The following CNTN3 variants were observed in gnomAD, a reference collection of about 807,000 sequenced individuals.
The protein encoded by CNTN3 is contactin 3.
In CNTN3, 60 loss-of-function variants were observed where a neutral mutation model predicts 119.1. That is an observed-to-expected ratio of 0.50 (90% CI 0.41 to 0.62). CNTN3 has a LOEUF of 0.62. Among genes scored for constraint, CNTN3 ranks in the 20% least tolerant of loss-of-function variants. The probability of loss-of-function intolerance (pLI) is 0.00; values close to 1 mark genes in which losing one functional copy is unlikely to be tolerated. For missense variants in CNTN3, 1,101 were observed against 1,242.4 expected (o/e 0.89, Z 1.71); for synonymous variants, 450 against 438.7 (o/e 1.03, Z -0.32).
intron 1 of CNTN3, among the ~76,000 whole-genome samples, chr3:74,542,625 A>G (rs1703857671): frequency 6.6e-6 from 1 of 152,234 alleles, no homozygotes; most frequent in Non-Finnish European, 1.5e-5. Context: ...AATATGATGA[A>G]TGACAAACAA....
At chr3:74,278,655 C>A (rs1471075121) in intron 20 of CNTN3, among the ~76,000 whole-genome samples, 2 of 152,152 alleles carry the variant, frequency 1.3e-5, no homozygotes, top group Admixed American at 6.5e-5. Context: ...TACAAAAATT[C>A]TAGAAGATAA....
rs548321587 is a variant in CNTN3 at position 74,558,565 on chromosome 3, T to C, written c.-80-37373A>G. On this transcript the variant is annotated intron_variant, in intron 1 of 22. Coordinates refer to ENST00000263665, the MANE Select transcript of CNTN3 (RefSeq NM_020872.3). Reference sequence around the variant, plus strand: ...CAGAACAGCATAGAGATGGTCTGCATAGTCTTTGGTGTATTAAACCTGAAT... The same window carrying C: ...CAGAACAGCATAGAGATGGTCTGCACAGTCTTTGGTGTATTAAACCTGAAT... Among the ~76,000 whole-genome samples, 7 of 152,330 alleles carry C rather than the reference T, an allele frequency of 4.6e-5. No individual in the cohort carries two copies. In the East Asian group the frequency reaches 1.4e-3, roughly 29 times the overall value.
chr3:74,393,413 T>C (rs1404199474), intron 5 of CNTN3, among the ~76,000 whole-genome samples: 2 of 152,236 alleles, frequency 1.3e-5, no homozygotes, highest in Admixed American at 6.5e-5. Context: ...TTCACACAAT[T>C]CTAAAACTTT....
chr3:74,461,826 T>C (rs557644775), intron 4 of CNTN3, among the ~76,000 whole-genome samples: 42 of 152,070 alleles, frequency 2.8e-4, no homozygotes, highest in Non-Finnish European at 4.7e-4. Context: ...TAATGAATAT[T>C]TTCTTGTCAA....
chr3:74,612,251 A>G (rs1705095250), intron 1 of CNTN3, among the ~76,000 whole-genome samples: 2 of 152,196 alleles, frequency 1.3e-5, no homozygotes, highest in Admixed American at 1.3e-4. Context: ...TTAGTTTGTA[A>G]TAACTGGGCA....
chr3:74,463,120 C>T (rs963010318), intron 4 of CNTN3, among the ~76,000 whole-genome samples: 1 of 152,094 alleles, frequency 6.6e-6, no homozygotes, highest in African/African-American at 2.4e-5. Context: ...AAACTGAGCT[C>T]AGTAATCTAA....
chr3:74,548,670 T>C (rs1703947540), intron 1 of CNTN3, among the ~76,000 whole-genome samples: 2 of 150,928 alleles, frequency 1.3e-5, no homozygotes, highest in Admixed American at 6.7e-5. Context: ...AATGAAACCA[T>C]TATTTTTTTC....
chr3:74,574,633 G>GT (rs1396963937), intron 1 of CNTN3, among the ~76,000 whole-genome samples: 2 of 152,118 alleles, frequency 1.3e-5, no homozygotes, highest in Non-Finnish European at 2.9e-5. Flanking sequence ...CTTGTAAACT[G>GT]TTTTTCCCAG....
chr3:74,588,648 G>C (rs1035155431), intron 1 of CNTN3, among the ~76,000 whole-genome samples: 67 of 152,158 alleles, frequency 4.4e-4, no homozygotes, highest in African/African-American at 1.6e-3. Flanking sequence ...GCATCACCAA[G>C]TCATTCCTAA....
chr3:74,552,073 TC>T (rs1479239096), intron 1 of CNTN3, among the ~76,000 whole-genome samples: 1 of 152,150 alleles, frequency 6.6e-6, no homozygotes, highest in African/African-American at 2.4e-5. Flanking sequence ...CGGATCTGCT[TC>T]TTTCACTTAG....
chr3:74,593,064 T>C (rs1704732406), intron 1 of CNTN3, among the ~76,000 whole-genome samples: 1 of 151,958 alleles, frequency 6.6e-6, no homozygotes, highest in South Asian at 2.1e-4. Context: ...TGCTGAGTTT[T>C]TGTTTTGTTT....
chr3:74,519,171 TAC>T (rs1703501355), intron 2 of CNTN3, among the ~76,000 whole-genome samples: 1 of 151,648 alleles, frequency 6.6e-6, no homozygotes, highest in Admixed American at 6.6e-5. Context: ...CATGTATAAT[TAC>T]ACACACATGG....
At chr3:74,545,157 A>T (rs191345984) in intron 1 of CNTN3, among the ~76,000 whole-genome samples, 212 of 152,310 alleles carry the variant, frequency 1.4e-3, no homozygotes, top group African/African-American at 4.8e-3. Context: ...TAATAAAACA[A>T]AAATAATAAA....
intron 20 of CNTN3, among the ~76,000 whole-genome samples, chr3:74,278,091 A>G (rs1043181041): frequency 2.6e-5 from 4 of 152,128 alleles, no homozygotes; most frequent in Non-Finnish European, 5.9e-5. Context: ...GAAAACTACA[A>G]AACACTGCTG....
At chr3:74,606,390 T>A (rs1174382352) in intron 1 of CNTN3, among the ~76,000 whole-genome samples, 1 of 151,972 alleles carries the variant, frequency 6.6e-6, no homozygotes, top group African/African-American at 2.4e-5. Context: ...GGATTAACTC[T>A]ATCCCCTATC....
At chr3:74,538,570 T>C (rs1165364238) in intron 1 of CNTN3, among the ~76,000 whole-genome samples, 1 of 152,156 alleles carries the variant, frequency 6.6e-6, no homozygotes, top group Admixed American at 6.6e-5. Context: ...CTGTTTAATG[T>C]TCATTTTGGA....
chr3:74,609,685 G>A (rs908652949), intron 1 of CNTN3, among the ~76,000 whole-genome samples: 3 of 152,120 alleles, frequency 2.0e-5, no homozygotes, highest in Non-Finnish European at 4.4e-5. Flanking sequence ...TGCTGAATAC[G>A]GACCTTCTTG....
chr3:74,313,616 C>T (rs751339587), intron 13 of CNTN3, among the ~76,000 whole-genome samples: 131 of 152,102 alleles, frequency 8.6e-4, no homozygotes, highest in Non-Finnish European at 1.4e-3. Flanking sequence ...ACGTGGGAGT[C>T]TTCTGTATGA....
chr3:74,404,803 G>A (rs1273898439), intron 5 of CNTN3, among the ~76,000 whole-genome samples: 1 of 151,894 alleles, frequency 6.6e-6, no homozygotes, highest in African/African-American at 2.4e-5. Context: ...AAAAAAAATA[G>A]TCTATTTAAA....
Sources: gnomAD v4.1 joint callset for allele counts (sites outside exome capture counted in the v4.1 genomes callset) on GRCh38, gnomAD v4.1.1 for gene constraint, MANE v1.5 for transcripts, NCBI Gene and HGNC (gene_info 2026-07-23, HGNC 2026-07-21) for gene names.